WDR27: variants seen among roughly 807,000 people sequenced by gnomAD.
WDR27 encodes WD repeat domain 27.
A neutral mutation model predicts 114.4 loss-of-function variants in WDR27; 100 were observed. The observed-to-expected ratio is 0.87, with a 90% confidence interval of 0.74 to 1.03. The LOEUF is 1.03. Ranked by LOEUF, WDR27 falls within the 50% of genes least tolerant of loss-of-function variation. The probability of loss-of-function intolerance (pLI) is 0.00; values close to 1 mark genes in which losing one functional copy is unlikely to be tolerated. For synonymous variants in WDR27, 449 were observed against 423.1 expected (o/e 1.06, Z -0.75); for missense variants, 1,129 against 1,092.9 (o/e 1.03, Z -0.47).
At chr6:169,661,874 A>G (rs1264814734) in intron 9 of WDR27, among the ~76,000 whole-genome samples, 1 of 152,280 alleles carries the variant, frequency 6.6e-6, no homozygotes, top group Non-Finnish European at 1.5e-5. Context: ...ACAGTTAAAC[A>G]GTACTTCCTT....
intron 25 of WDR27, among the ~76,000 whole-genome samples, chr6:169,469,453 C>G (rs1474387014): frequency 3.9e-5 from 6 of 152,188 alleles, no homozygotes; most frequent in African/African-American, 1.4e-4. Context: ...CAGCTTCATG[C>G]CCTGCCCTCA....
intron 24 of WDR27, among the ~76,000 whole-genome samples, chr6:169,574,483 A>G (rs1302606018): frequency 2.0e-5 from 3 of 152,180 alleles, no homozygotes; most frequent in African/African-American, 7.2e-5. Context: ...CCCGCTTTTC[A>G]AAAGTGATGT....
chr6:169,552,628 C>T (rs1247921259), intron 25 of WDR27, among the ~76,000 whole-genome samples: 1 of 152,230 alleles, frequency 6.6e-6, no homozygotes, highest in Non-Finnish European at 1.5e-5. Flanking sequence ...CCAGGTTCCA[C>T]TGAAGAAAGT....
At chr6:169,621,307 C>A (rs555292538) in intron 21 of WDR27, among the ~76,000 whole-genome samples, 1 of 147,042 alleles carries the variant, frequency 6.8e-6, no homozygotes, top group East Asian at 2.0e-4. Context: ...CATATACATA[C>A]CCACACACGC....
chr6:169,429,618 T>C, the WDR27 span, among the ~76,000 whole-genome samples: 1 of 152,208 alleles, frequency 6.6e-6, no homozygotes, highest in Non-Finnish European at 1.5e-5. Flanking sequence ...CATCCTGGCC[T>C]CCTTTCTTTC....
intron 23 of WDR27, among the ~76,000 whole-genome samples, chr6:169,589,960 C>CAACAAGTCCTGAGAGAAGAAGCATGAAA (rs11275789): frequency 6.6e-6 from 1 of 151,948 alleles, no homozygotes; most frequent in Non-Finnish European, 1.5e-5. Flanking sequence ...AGAACCAAAT[C>CAACAAGTCCTGAGAGAAGAAGCATGAAA]AAGGGAAGCA....
At chr6:169,675,376 C>T (rs1227511803) in intron 2 of WDR27, among the ~76,000 whole-genome samples, 1 of 152,118 alleles carries the variant, frequency 6.6e-6, no homozygotes, top group African/African-American at 2.4e-5. Context: ...TTCCTGAGGC[C>T]CTCACCAGAA....
intron 24 of WDR27, among the ~76,000 whole-genome samples, chr6:169,580,935 A>T (rs113611800): frequency 0.11 from 4,912 of 45,344 alleles, 132 homozygotes; most frequent in Non-Finnish European, 0.16. Context: ...AGTGAATTTT[A>T]TATATATATA....
the WDR27 span, among the ~76,000 whole-genome samples, chr6:169,427,440 G>A: frequency 0.011 from 1,641 of 151,992 alleles, 34 homozygotes; most frequent in African/African-American, 0.037. Flanking sequence ...AGGACCGTGG[G>A]CCCCCCATCT....
intron 25 of WDR27, among the ~76,000 whole-genome samples, chr6:169,490,602 G>A (rs1266482013): frequency 1.3e-4 from 20 of 152,148 alleles, no homozygotes; most frequent in Non-Finnish European, 1.5e-5. Context: ...CAAGGTTGCT[G>A]GACTCTACTA....
chr6:169,643,657 T>C, intron 17 of WDR27, 40 bp downstream of exon 17: 1 of 1,557,574 alleles, frequency 6.4e-7, no homozygotes, highest in Non-Finnish European at 8.8e-7. Flanking sequence ...GTGAGACCCA[T>C]CCTTAAGTTC....
the WDR27 span, among the ~76,000 whole-genome samples, chr6:169,433,540 G>T: frequency 1.3e-5 from 2 of 152,166 alleles, no homozygotes; most frequent in Non-Finnish European, 2.9e-5. Flanking sequence ...GAATAGTGCT[G>T]CAATAAACAT....
At chr6:169,445,502 T>C in the WDR27 span, among the ~76,000 whole-genome samples, 205 of 152,342 alleles carry the variant, frequency 1.3e-3, 3 homozygotes, top group East Asian at 0.032. Flanking sequence ...TCCTACATTA[T>C]GGTGGTGTTG....
chr6:169,665,661 A>T, intron 6 of WDR27, 105 bp from the exon 7 acceptor site: 1 of 1,079,112 alleles, frequency 9.3e-7, no homozygotes, highest in African/African-American at 1.7e-5. Flanking sequence ...ATTTACTTAC[A>T]GTATTTCTGT....
intron 25 of WDR27, among the ~76,000 whole-genome samples, chr6:169,552,117 G>T (rs148209877): frequency 5.9e-5 from 9 of 152,040 alleles, no homozygotes; most frequent in African/African-American, 2.2e-4. Context: ...TCCAGTGTCC[G>T]TCCTGCTGAC....
rs540594048 is a variant in WDR27, at chr6:169,594,603, G to A, written c.2424+7616C>T. Among the ~76,000 whole-genome samples, 10 of 152,216 alleles carry A rather than the reference G, an allele frequency of 6.6e-5. No homozygotes were observed. The South Asian group carries it at 2.1e-3, about 32-fold the overall frequency. On this transcript the variant is annotated intron_variant, in intron 23 of 25. Coordinates refer to ENST00000448612, the MANE Select transcript of WDR27 (RefSeq NM_182552.5). ...AATTTGTTTATTTTCTTCAAAATTA[G>A]ATACTAACATATACTGTATTTTCAT...
intron 25 of WDR27, among the ~76,000 whole-genome samples, chr6:169,503,180 GA>G (rs965292729): frequency 6.6e-6 from 1 of 152,176 alleles, no homozygotes; most frequent in African/African-American, 2.4e-5. Context: ...AGGCCCAGCT[GA>G]GAATGCTCAG....
chr6:169,453,325 A>G (rs1784231052), downstream of WDR27, among the ~76,000 whole-genome samples: 1 of 152,158 alleles, frequency 6.6e-6, no homozygotes, highest in East Asian at 1.9e-4. Context: ...GAGGAGATGT[A>G]TTTATATTAG....
At chr6:169,535,279 G>T (rs552542584) in intron 25 of WDR27, among the ~76,000 whole-genome samples, 125 of 151,620 alleles carry the variant, frequency 8.2e-4, no homozygotes, top group Middle Eastern at 3.4e-3. Flanking sequence ...AGCACCTAAG[G>T]AACATCAGAT....
Sources: gnomAD v4.1 joint callset for allele counts (sites outside exome capture counted in the v4.1 genomes callset) on GRCh38, gnomAD v4.1.1 for gene constraint, MANE v1.5 for transcripts, NCBI Gene and HGNC (gene_info 2026-07-23, HGNC 2026-07-21) for gene names.